Variants in CNTNAP2 observed in about 807,000 individuals in gnomAD.
CNTNAP2 encodes contactin-associated protein-like 2.
A neutral mutation model predicts 155.2 loss-of-function variants in CNTNAP2; 98 were observed. The ratio of observed to expected loss-of-function variants is 0.63; its 90% CI spans 0.54 to 0.75. The LOEUF (loss-of-function observed/expected upper bound fraction) is 0.75. Ranked by LOEUF, CNTNAP2 falls within the 30% of genes least tolerant of loss-of-function variation. The pLI is 0.00. For synonymous variants in CNTNAP2, 651 were observed against 631.2 expected (o/e 1.03, Z -0.47); for missense variants, 1,727 against 1,688.1 (o/e 1.02, Z -0.40).
chr7:146,456,655 C>T (rs1488499167), intron 1 of CNTNAP2, among the ~76,000 whole-genome samples: 1 of 152,150 alleles, frequency 6.6e-6, no homozygotes, highest in Non-Finnish European at 1.5e-5. Flanking sequence ...TTCCCAAGTT[C>T]TCCTTAAGGC....
intron 4 of CNTNAP2, among the ~76,000 whole-genome samples, chr7:147,107,536 G>T (rs1337107622): frequency 6.6e-6 from 1 of 152,004 alleles, no homozygotes; most frequent in African/African-American, 2.4e-5. Flanking sequence ...ATGCAAGGAG[G>T]TAATAAGAAA....
chr7:146,523,388 C>A (rs886647095), intron 1 of CNTNAP2, among the ~76,000 whole-genome samples: 1 of 151,796 alleles, frequency 6.6e-6, no homozygotes, highest in Non-Finnish European at 1.5e-5. Flanking sequence ...AATTTTTCTC[C>A]CTGGATCCAA....
intron 22 of CNTNAP2, among the ~76,000 whole-genome samples, chr7:148,406,602 A>G (rs1241642692): frequency 1.3e-5 from 2 of 152,230 alleles, no homozygotes; most frequent in East Asian, 1.9e-4. Context: ...CTGGGTTCTA[A>G]TTTTAACTAG....
At chr7:148,327,869 G>T (rs1239250616) in intron 21 of CNTNAP2, among the ~76,000 whole-genome samples, 1 of 152,062 alleles carries the variant, frequency 6.6e-6, no homozygotes, top group African/African-American at 2.4e-5. Context: ...CTTTCTCATG[G>T]AGACCTAATC....
At chr7:147,351,102 T>C (rs1407172730) in intron 9 of CNTNAP2, among the ~76,000 whole-genome samples, 3 of 151,808 alleles carry the variant, frequency 2.0e-5, no homozygotes, top group Admixed American at 6.6e-5. Context: ...ACCAAAAACT[T>C]CAGGTATTTT....
At chr7:147,775,387 T>TTATAAATATATATATTTATATATATA (rs1797567530) in intron 13 of CNTNAP2, among the ~76,000 whole-genome samples, 1 of 99,584 alleles carries the variant, frequency 1.0e-5, no homozygotes, top group Middle Eastern at 3.9e-3. Flanking sequence ...TTATATATAT[T>TTATAAATATATATATTTATATATATA]TATAAATATA....
At chr7:147,331,340 G>A (rs1344812907) in intron 9 of CNTNAP2, among the ~76,000 whole-genome samples, 1 of 152,104 alleles carries the variant, frequency 6.6e-6, no homozygotes, top group African/African-American at 2.4e-5. Context: ...CAAAAAGAAG[G>A]ATGCAAACAT....
At chr7:146,466,495 C>G (rs2129125756) in intron 1 of CNTNAP2, among the ~76,000 whole-genome samples, 1 of 152,262 alleles carries the variant, frequency 6.6e-6, no homozygotes, top group South Asian at 2.1e-4. Flanking sequence ...CTAATACAAA[C>G]TGATAGAAAG....
chr7:147,839,448 G>T (rs1484072814), intron 13 of CNTNAP2, among the ~76,000 whole-genome samples: 1 of 152,180 alleles, frequency 6.6e-6, no homozygotes, highest in African/African-American at 2.4e-5. Context: ...GAGGCTGGGT[G>T]GCGGTAAAGG....
At chr7:147,280,346 C>T (rs879648657) in intron 8 of CNTNAP2, among the ~76,000 whole-genome samples, 5 of 151,858 alleles carry the variant, frequency 3.3e-5, no homozygotes, top group Non-Finnish European at 5.9e-5. Flanking sequence ...GGTCACACAT[C>T]CTCCAGCAAG....
intron 13 of CNTNAP2, among the ~76,000 whole-genome samples, chr7:147,716,411 G>A (rs1398486902): frequency 6.6e-6 from 1 of 152,096 alleles, no homozygotes; most frequent in East Asian, 1.9e-4. Flanking sequence ...GGCAGAGTCT[G>A]ATCTACATAG....
rs191663333 is a variant in CNTNAP2, at chr7:146,374,143, G to A, written c.97+257170G>A. 4.3e-4 allele frequency among the ~76,000 whole-genome samples: 66 copies of A among 151,974 alleles called. 1 individual carries two copies. The South Asian group carries it at 0.013, about 29-fold the overall frequency. ...GGGTTGGCTTTGTTTTTTTGTTTACGTTTTTAATCAAATTTGGCTTTTAAA... is the reference window on the plus strand; with the variant it reads ...GGGTTGGCTTTGTTTTTTTGTTTACATTTTTAATCAAATTTGGCTTTTAAA... On this transcript the variant is annotated intron_variant, in intron 1 of 23. Transcript: ENST00000361727.
intron 3 of CNTNAP2, among the ~76,000 whole-genome samples, chr7:146,873,633 G>T (rs1271057972): frequency 6.6e-6 from 1 of 152,042 alleles, no homozygotes; most frequent in Non-Finnish European, 1.5e-5. Context: ...GAGGAATGGG[G>T]TGTATGAGAA....
At chr7:146,679,444 C>A (rs367816063) in intron 1 of CNTNAP2, among the ~76,000 whole-genome samples, 84 of 150,222 alleles carry the variant, frequency 5.6e-4, no homozygotes, top group African/African-American at 1.8e-3. Flanking sequence ...CAACTTCCAC[C>A]TCCCAGGTTC....
chr7:147,499,684 G>C (rs17170565), intron 11 of CNTNAP2, among the ~76,000 whole-genome samples: 43,595 of 152,048 alleles, frequency 0.29, 6,388 homozygotes, highest in East Asian at 0.43. Context: ...CTACCTACTA[G>C]TTTTAACCAA....
chr7:146,649,781 T>C (rs1032273179), intron 1 of CNTNAP2, among the ~76,000 whole-genome samples: 13 of 152,160 alleles, frequency 8.5e-5, no homozygotes, highest in African/African-American at 3.1e-4. Context: ...GCTTTTTCTC[T>C]TCCTATTTCT....
intron 15 of CNTNAP2, among the ~76,000 whole-genome samples, chr7:148,101,710 A>G (rs1336722347): frequency 6.6e-6 from 1 of 152,126 alleles, no homozygotes; most frequent in Non-Finnish European, 1.5e-5. Context: ...AACATGTTTC[A>G]AAGCTGCTGT....
At chr7:146,930,877 A>T (rs528094508) in intron 3 of CNTNAP2, among the ~76,000 whole-genome samples, 1,534 of 152,288 alleles carry the variant, frequency 0.01, 24 homozygotes, top group African/African-American at 0.035. Flanking sequence ...ATTCAACAAG[A>T]AGAGCTAACT....
chr7:148,007,522 A>C (rs1487182452), intron 15 of CNTNAP2, among the ~76,000 whole-genome samples: 1 of 152,126 alleles, frequency 6.6e-6, no homozygotes, highest in African/African-American at 2.4e-5. Flanking sequence ...TCTTTCACCA[A>C]ATCTCTGGGA....
Sources: gnomAD v4.1 joint callset for allele counts (sites outside exome capture counted in the v4.1 genomes callset) on GRCh38, gnomAD v4.1.1 for gene constraint, MANE v1.5 for transcripts, NCBI Gene and HGNC (gene_info 2026-07-23, HGNC 2026-07-21) for gene names.